BSN: variants seen among roughly 807,000 people sequenced by gnomAD.
BSN encodes bassoon presynaptic cytomatrix protein, also known as protein bassoon.
BSN carries 57 observed loss-of-function variants against 264.8 expected under a neutral mutation model. The observed-to-expected ratio is 0.22, with a 90% CI of 0.17 to 0.27. The LOEUF (loss-of-function observed/expected upper bound fraction) is 0.27. Ranked by LOEUF, BSN falls within the 10% of genes least tolerant of loss-of-function variation. The pLI, the probability that BSN is intolerant of heterozygous loss-of-function variation, is 1.00. For missense variants in BSN, 4,615 were observed against 5,232.5 expected (o/e 0.88, Z 3.64); for synonymous variants, 2,059 against 2,137.3 (o/e 0.96, Z 1.01).
chr3:49,664,319 C>T (rs2052692417), intron 8 of BSN, 104 bp from the exon 9 acceptor site: 2 of 1,484,908 alleles, frequency 1.3e-6, no homozygotes, highest in Non-Finnish European at 1.9e-6. Flanking sequence ...ACCTTCCCAC[C>T]TTATAGGGTA....
intron 1 of BSN, among the ~76,000 whole-genome samples, chr3:49,622,238 AG>A (rs1217210681): frequency 2.0e-5 from 3 of 151,974 alleles, no homozygotes; most frequent in Admixed American, 6.6e-5. Flanking sequence ...AGACAAAAGG[AG>A]GTGTTTGGAA....
chr3:49,650,683 C>T lies in BSN; in HGVS notation c.1590C>T (p.Pro530=). The T allele has an allele frequency of 1.2e-6, 2 of 1,610,316 alleles. No homozygotes were observed. The highest frequency in any genetic ancestry group is 1.7e-6 in the Non-Finnish European group (2 of 1,179,008). ...AGGGCAGCCTAGGAGAGCCGACCCC[C>T]CTGCCGCCGCCCACCTCACAGCAGC... is the stretch of plus-strand genomic sequence containing the variant. ...LLEGSLGEPT[P]LPPPTSQQPP... Residue 530 remains proline, a synonymous_variant, in exon 4 of 12, where the codon CCC becomes CCT. Coordinates refer to ENST00000296452, the MANE Select transcript of BSN (RefSeq NM_003458.4).
intron 3 of BSN, among the ~76,000 whole-genome samples, chr3:49,649,740 G>GC (rs1559613683): frequency 6.6e-6 from 1 of 152,224 alleles, no homozygotes; most frequent in African/African-American, 2.4e-5. Context: ...AAGGCTGCAT[G>GC]CCAGTGCCTG....
downstream of BSN, chr3:49,671,681 G>A (rs995837401): frequency 6.6e-6 from 1 of 152,244 alleles, no homozygotes; most frequent in African/African-American, 2.4e-5. The surrounding 1 kb of genome is among the most constrained non-coding windows in gnomAD (Gnocchi z 4.1). Context: ...GGCACAGCAC[G>A]GGGCTGAGTC....
At chr3:49,573,423 A>G (rs1479306513) in intron 1 of BSN, among the ~76,000 whole-genome samples, 3 of 152,200 alleles carry the variant, frequency 2.0e-5, no homozygotes, top group Admixed American at 6.5e-5. Context: ...CACACAGCCT[A>G]CTTCTAGCCA....
rs2052622757 is a variant in BSN at position 49,657,782 on chromosome 3, C to T, written c.8226C>T (p.Pro2742=). 1.3e-6 allele frequency: 2 copies of T among 1,567,002 alleles called. No homozygotes were observed. Among genetic ancestry groups the T allele is most frequent in the African/African-American group, 1.4e-5 (1 of 73,620 alleles). ...PQLVGPTAIS[P]YLPGIQIVTP... ...TTGTAGGGCCAACTGCCATCAGCCC[C>T]TACCTGCCTGGCATCCAGATCGTCA... The change falls in exon 5 of 12, where the codon CCC becomes CCT. Residue 2742 remains proline, a synonymous_variant. Transcript: ENST00000296452.
intron 2 of BSN, among the ~76,000 whole-genome samples, chr3:49,637,558 T>A (rs2052428746): frequency 6.6e-6 from 1 of 152,100 alleles, no homozygotes; most frequent in African/African-American, 2.4e-5. Flanking sequence ...TCATACAGCC[T>A]CCAGCTTGGG....
chr3:49,643,178 C>T lies in BSN; in HGVS notation c.1518+26C>T, dbSNP rs2052479895. ...GTAAGAGCTGGACCAAGCATGCTCC[C>T]TTGAACCTTGATGAGAGGCCGGGCC... is the stretch of plus-strand genomic sequence containing the variant. On this transcript the variant is annotated intron_variant, in intron 3 of 11. Coordinates refer to ENST00000296452, the MANE Select transcript of BSN (RefSeq NM_003458.4). The T allele has an allele frequency of 2.5e-6, 4 of 1,581,794 alleles. No individual in the cohort carries two copies. The East Asian group carries it at 6.8e-5, about 27-fold the overall frequency.
Position 49,652,126 on chromosome 3 carries a change from T to C in BSN, c.2570T>C (p.Leu857Pro), listed in dbSNP as rs1357225034. 6.2e-7 allele frequency: 1 copy of C among 1,613,780 alleles called. No individual in the cohort carries two copies. Among genetic ancestry groups the C allele is most frequent in the Non-Finnish European group, 8.5e-7 (1 of 1,179,796 alleles). Residue 857 changes from leucine (L) to proline (P), a missense_variant, in exon 5 of 12, where the codon CTG (leucine) becomes CCG (proline). This residue lies in a region of BSN where 1,197 missense variants were observed against 1,348.0 expected (regional missense o/e 0.89). Transcript: ENST00000296452. ...GAGATGAGCGCCGAGGAAGACAACC[T>C]GGAGGAGGATGACACTGCCACCTCC... ...ILEMSAEEDN[L>P]EEDDTATSGR...
chr3:49,636,172 A>C (rs1340302932), intron 2 of BSN, among the ~76,000 whole-genome samples: 2 of 152,220 alleles, frequency 1.3e-5, no homozygotes, highest in African/African-American at 4.8e-5. Context: ...TGTGGGTTGC[A>C]GGTCATCTGG....
intron 1 of BSN, among the ~76,000 whole-genome samples, chr3:49,577,963 T>C (rs1342850004): frequency 6.6e-6 from 1 of 152,230 alleles, no homozygotes; most frequent in Admixed American, 6.5e-5. Flanking sequence ...AGCTGAGAAC[T>C]GCTGGGGGTA....
chr3:49,595,007 C>T (rs2052010780), intron 1 of BSN, among the ~76,000 whole-genome samples: 1 of 151,156 alleles, frequency 6.6e-6, no homozygotes, highest in East Asian at 1.9e-4. Flanking sequence ...TCTCCTGGCT[C>T]AGCCTCCCAA....
At position 49,588,501 on chromosome 3, in the gene BSN, A is replaced by C. The variant is rs967700410; in HGVS notation, c.224+33675A>C. Among the ~76,000 whole-genome samples, 17 of 152,048 alleles carry C rather than the reference A, an allele frequency of 1.1e-4. 1 individual carries two copies. The highest frequency in any genetic ancestry group is 1.0e-3 in the Admixed American group (16 of 15,278). ...TTTTAAAATCATGAAGGGATGTTGA[A>C]TTTTTTCAAATGCTTTTTCAGCATC... On this transcript the variant is annotated intron_variant, in intron 1 of 11. Transcript: ENST00000296452.
At chr3:49,561,106 G>A (rs2051708144) in intron 1 of BSN, among the ~76,000 whole-genome samples, 1 of 152,212 alleles carries the variant, frequency 6.6e-6, no homozygotes, top group South Asian at 2.1e-4. Context: ...GGGTCACATG[G>A]AGGCACATGG....
intron 1 of BSN, among the ~76,000 whole-genome samples, chr3:49,617,760 G>T (rs897447268): frequency 1.3e-5 from 2 of 152,158 alleles, no homozygotes; most frequent in African/African-American, 4.8e-5. Flanking sequence ...TGGAATGTGT[G>T]TTCAGGTGTG....
intron 1 of BSN, among the ~76,000 whole-genome samples, chr3:49,571,632 GC>G (rs894627543): frequency 2.0e-5 from 3 of 152,230 alleles, no homozygotes; most frequent in Admixed American, 2.0e-4. Flanking sequence ...GGCCCCAGAG[GC>G]CTCAGGGTAT....
Position 49,653,321 on chromosome 3 carries a change from C to A in BSN, c.3765C>A (p.Ala1255=), listed in dbSNP as rs114065907. The A allele has an allele frequency of 1.9e-6, 3 of 1,611,954 alleles. No homozygotes were observed. The highest frequency in any genetic ancestry group is 1.7e-6 in the Non-Finnish European group (2 of 1,179,468). The change falls in exon 5 of 12, where the codon GCC becomes GCA. Residue 1255 remains alanine, a synonymous_variant. Coordinates refer to ENST00000296452, the MANE Select transcript of BSN (RefSeq NM_003458.4). This position sits in a 1 kb window ranked among gnomAD's most constrained non-coding sequence, Gnocchi z 6.3. ...GCACGCCAGCCAGCCTGGGAGCAGC[C>A]GTGTACGAAGAAATCCTTCAGACAT... ...AEGTPASLGA[A]VYEEILQTSQ...
In BSN at chr3:49,655,297, C is replaced by T; in HGVS notation, c.5741C>T (p.Thr1914Ile). Residue 1914 changes from threonine to isoleucine, a missense_variant, in exon 5 of 12, where the codon ACT becomes ATT. Physicochemically the swap from Thr to Ile is moderately conservative, Grantham distance 89. Coordinates refer to ENST00000296452, the MANE Select transcript of BSN (RefSeq NM_003458.4). ...AAGCTCCCCTTTGGCAGCAGCTGCACTGGCACCTTCCACCCGGCCCCCAGT... is the reference window on the plus strand; with the variant it reads ...AAGCTCCCCTTTGGCAGCAGCTGCATTGGCACCTTCCACCCGGCCCCCAGT... ...VYKLPFGSSC[T>I]GTFHPAPSVP... 6.2e-7 allele frequency: 1 copy of T among 1,612,498 alleles called. No individual in the cohort carries two copies. Among genetic ancestry groups the T allele is most frequent in the Non-Finnish European group, 8.5e-7 (1 of 1,179,674 alleles).
At chr3:49,614,051 CTTT>C (rs35326455) in intron 1 of BSN, among the ~76,000 whole-genome samples, 1 of 87,790 alleles carries the variant, frequency 1.1e-5, no homozygotes, top group African/African-American at 4.5e-5. Context: ...GACATTCAGT[CTTT>C]TTTTTTTTTT....
Sources: allele counts gnomAD v4.1 joint callset (sites outside exome capture counted in the v4.1 genomes callset), GRCh38; gene constraint gnomAD v4.1.1; regional missense constraint gnomAD v4.1.1; non-coding constraint Gnocchi (gnomAD v3.1); transcripts MANE v1.5; gene names NCBI Gene and HGNC (gene_info 2026-07-23, HGNC 2026-07-21).